Variants in MERTK observed in about 807,000 individuals in gnomAD.
MERTK encodes the protein MER proto-oncogene, tyrosine kinase.
Under a neutral mutation model 99.3 loss-of-function variants are expected in MERTK, and 69 were observed. The observed-to-expected ratio is 0.70, with a 90% CI of 0.57 to 0.85. The LOEUF is 0.85. Among genes scored for constraint, MERTK ranks in the 40% least tolerant of loss-of-function variants. The pLI is 0.00. For synonymous variants in MERTK, 426 were observed against 467.6 expected (o/e 0.91, Z 1.15); for missense variants, 1,125 against 1,249.4 (o/e 0.90, Z 1.50).
At chr2:111,917,096 T>C (rs1684365215) in intron 1 of MERTK, among the ~76,000 whole-genome samples, 3 of 152,194 alleles carry the variant, frequency 2.0e-5, no homozygotes, top group Non-Finnish European at 2.9e-5. Flanking sequence ...GCCTCCTTTC[T>C]GGTTGGCAGT....
At chr2:111,936,127 A>G (rs6730519) in intron 2 of MERTK, among the ~76,000 whole-genome samples, 3,322 of 152,206 alleles carry the variant, frequency 0.022, 118 homozygotes, top group African/African-American at 0.075. Flanking sequence ...GGTGTTAGCC[A>G]GGATGGTCTT....
At chr2:111,960,047 A>ATAT (rs1409843961) in intron 4 of MERTK, among the ~76,000 whole-genome samples, 1 of 152,254 alleles carries the variant, frequency 6.6e-6, no homozygotes, top group Admixed American at 6.5e-5. Flanking sequence ...AGCAAACAAT[A>ATAT]TATTATTATT....
chr2:111,986,794 T>C (rs1031609906), intron 8 of MERTK, among the ~76,000 whole-genome samples: 1 of 152,238 alleles, frequency 6.6e-6, no homozygotes, highest in African/African-American at 2.4e-5. Flanking sequence ...TATTATGCTT[T>C]ACACTATATT....
At chr2:112,013,883 T>G (rs1208522285) in intron 15 of MERTK, among the ~76,000 whole-genome samples, 2 of 152,032 alleles carry the variant, frequency 1.3e-5, no homozygotes, top group African/African-American at 4.8e-5. Flanking sequence ...GGATGGAATT[T>G]CACTCTTGTT....
At chr2:111,953,144 A>T (rs1485651608) in intron 4 of MERTK, among the ~76,000 whole-genome samples, 1 of 152,130 alleles carries the variant, frequency 6.6e-6, no homozygotes, top group African/African-American at 2.4e-5. Context: ...TGCATGATGA[A>T]TTCACTCTCC....
chr2:112,022,531 C>T, intron 18 of MERTK, 137 bp downstream of exon 18: 1 of 1,266,728 alleles, frequency 7.9e-7, no homozygotes, highest in Non-Finnish European at 1.2e-6. Context: ...GGGGTGGAAC[C>T]CACAGACACC....
chr2:111,917,172 G>A (rs1431880557), intron 1 of MERTK, among the ~76,000 whole-genome samples: 1 of 152,150 alleles, frequency 6.6e-6, no homozygotes, highest in Non-Finnish European at 1.5e-5. Context: ...ATGCTTCATT[G>A]CTTCATTAAT....
In MERTK at chr2:112,005,641, G is replaced by A. The variant is rs571620535; in HGVS notation, c.1867+1657G>A. 2.0e-3 allele frequency among the ~76,000 whole-genome samples: 309 copies of A among 152,272 alleles called. 2 individuals are homozygous for A. The highest frequency in any genetic ancestry group is 0.017 in the Middle Eastern group (5 of 294). On this transcript the variant is annotated intron_variant, in intron 13 of 18. Transcript: ENST00000295408. ...AACTTAGAAAATAGGTCGTGGTCACGTGGCATTTCACCCAGTCTTCATCAT... is the reference window on the plus strand; with the variant it reads ...AACTTAGAAAATAGGTCGTGGTCACATGGCATTTCACCCAGTCTTCATCAT...
At chr2:111,945,965 A>G (rs1684954654) in intron 3 of MERTK, among the ~76,000 whole-genome samples, 1 of 152,294 alleles carries the variant, frequency 6.6e-6, no homozygotes, top group East Asian at 1.9e-4. Flanking sequence ...AGAGCAGGTG[A>G]TTAGCTTTTC....
intron 16 of MERTK, 40 bp downstream of exon 16, chr2:112,019,562 T>C (rs1416801240): frequency 4.1e-6 from 6 of 1,473,192 alleles, no homozygotes; most frequent in Non-Finnish European, 5.7e-6. Flanking sequence ...TTGGACCTCA[T>C]GGTGTTTGGT....
At chr2:111,969,633 A>G (rs1236897942) in intron 6 of MERTK, among the ~76,000 whole-genome samples, 2 of 151,944 alleles carry the variant, frequency 1.3e-5, no homozygotes, top group Non-Finnish European at 2.9e-5. Context: ...CTGAAGAGTA[A>G]AAGCCTGTAT....
chr2:112,015,733 A>G (rs1677204178), intron 15 of MERTK: 1 of 153,446 alleles, frequency 6.5e-6, no homozygotes, highest in Non-Finnish European at 1.5e-5. Context: ...CATGTCTAAG[A>G]ACTCTTTGCC....
intron 1 of MERTK, among the ~76,000 whole-genome samples, chr2:111,900,712 T>G (rs1351208742): frequency 2.0e-5 from 3 of 152,218 alleles, no homozygotes; most frequent in African/African-American, 7.2e-5. Flanking sequence ...CACTTTTTGC[T>G]TTTGGTTTTG....
In MERTK at chr2:112,013,753, G is replaced by C. The variant is rs533985266; in HGVS notation, c.2079+3687G>C. Among the ~76,000 whole-genome samples the C allele has an allele frequency of 1.6e-3, 248 of 152,224 alleles. 3 individuals carry two copies. Among genetic ancestry groups the C allele is most frequent in the African/African-American group, 5.5e-3 (228 of 41,524 alleles). On this transcript the variant is annotated intron_variant, in intron 15 of 18. Coordinates refer to ENST00000295408, the MANE Select transcript of MERTK (RefSeq NM_006343.3). ...TCTCCAGCAGGGCAGCCCCCACACA[G>C]ATCCCTGTGAGTGGCGGCACCACAT...
Position 111,940,993 on chromosome 2 carries a change from G to T in MERTK, c.483-3967G>T, listed in dbSNP as rs562855508. On this transcript the variant is annotated intron_variant, in intron 2 of 18. Transcript: ENST00000295408. ...TGTTTCATCTTTGCAGTTGAAACCG[G>T]CGGGGTTGTGGTAGTCAAGAGCCGT... is the stretch of plus-strand genomic sequence containing the variant. 6.8e-5 allele frequency: 40 copies of T among 584,080 alleles called. 1 individual carries two copies. Among genetic ancestry groups the T allele is most frequent in the African/African-American group, 5.2e-4 (28 of 53,770 alleles). 36.2% of individuals were successfully genotyped at this position (584,080 alleles called of 1,614,324 possible).
At position 111,908,795 on chromosome 2, in the gene MERTK, A is replaced by G. The variant is rs377698571; in HGVS notation, c.61+9999A>G. On this transcript the variant is annotated intron_variant, in intron 1 of 18. Transcript: ENST00000295408. ...GCTTTTAGAACACATTGTTCCTTAA[A>G]TGGCTGCTGTGCTTCTGGGCATTTC... Among the ~76,000 whole-genome samples, 61 of 152,326 alleles carry G rather than the reference A, an allele frequency of 4.0e-4. 1 individual carries two copies. The highest frequency in any genetic ancestry group is 1.4e-3 in the African/African-American group (60 of 41,580).
At position 111,922,661 on chromosome 2, in the gene MERTK, T is replaced by C. The variant is rs115656175; in HGVS notation, c.62-6459T>C. 7.8e-3 allele frequency among the ~76,000 whole-genome samples: 1,193 copies of C among 152,312 alleles called. 14 individuals carry two copies. Among genetic ancestry groups the C allele is most frequent in the African/African-American group, 0.027 (1,135 of 41,550 alleles). On this transcript the variant is annotated intron_variant, in intron 1 of 18. Transcript: ENST00000295408. Reference sequence around the variant, plus strand: ...GGAGTGTGCTGGTGGACTCGATGCCTATCAGCTCCTACTGCTGAGATCCTC... The same window carrying C: ...GGAGTGTGCTGGTGGACTCGATGCCCATCAGCTCCTACTGCTGAGATCCTC...
At chr2:111,987,347 T>G (rs1676501690) in intron 8 of MERTK, among the ~76,000 whole-genome samples, 1 of 152,258 alleles carries the variant, frequency 6.6e-6, no homozygotes, top group African/African-American at 2.4e-5. Context: ...TTATTATATC[T>G]CAAACGATGA....
chr2:111,999,564 G>C (rs1188709621), intron 10 of MERTK, among the ~76,000 whole-genome samples: 3 of 152,178 alleles, frequency 2.0e-5, no homozygotes. Flanking sequence ...GCTTCCCAAA[G>C]TGCTGGGATT....
Sources: gnomAD v4.1 joint callset for allele counts (sites outside exome capture counted in the v4.1 genomes callset) on GRCh38, gnomAD v4.1.1 for gene constraint, MANE v1.5 for transcripts, NCBI Gene and HGNC (gene_info 2026-07-23, HGNC 2026-07-21) for gene names.